KCTD16: variants seen among roughly 807,000 people sequenced by gnomAD.
The protein encoded by KCTD16 is BTB/POZ domain-containing protein KCTD16.
KCTD16 carries 13 observed loss-of-function variants against 33.2 expected under a neutral mutation model. The ratio of observed to expected loss-of-function variants is 0.39; its 90% CI spans 0.25 to 0.62. KCTD16 has a LOEUF of 0.62. Ranked by LOEUF, KCTD16 falls within the 20% of genes least tolerant of loss-of-function variation. The pLI, the probability that KCTD16 is intolerant of heterozygous loss-of-function variation, is 0.50. For synonymous variants in KCTD16, 197 were observed against 195.3 expected, an observed-to-expected ratio of 1.01 and a Z score of -0.07; for missense variants, 441 against 525.1, an observed-to-expected ratio of 0.84 and a Z score of 1.57.
intron 3 of KCTD16, among the ~76,000 whole-genome samples, chr5:144,320,247 C>T (rs2126884015): frequency 6.6e-6 from 1 of 152,214 alleles, no homozygotes; most frequent in Non-Finnish European, 1.5e-5. Context: ...CATAGTCCCC[C>T]TCTGTGAAAT....
At chr5:144,293,337 G>A (rs1052601292) in intron 3 of KCTD16, among the ~76,000 whole-genome samples, 1 of 152,240 alleles carries the variant, frequency 6.6e-6, no homozygotes, top group East Asian at 1.9e-4. Flanking sequence ...TTCCTGTTGT[G>A]AATGTTTAAG....
chr5:144,243,776 G>A (rs559807684), intron 3 of KCTD16, among the ~76,000 whole-genome samples: 10 of 152,008 alleles, frequency 6.6e-5, no homozygotes, highest in Non-Finnish European at 1.0e-4. Flanking sequence ...AGAGAGTCTC[G>A]TTCTGTCACC....
chr5:144,297,915 C>T (rs1756089660), intron 3 of KCTD16, among the ~76,000 whole-genome samples: 5 of 152,196 alleles, frequency 3.3e-5, no homozygotes, highest in Admixed American at 3.3e-4. Flanking sequence ...CTCTTCTGGT[C>T]CAACTCGGCT....
chr5:144,400,561 CA>C (rs1752680393), intron 3 of KCTD16, among the ~76,000 whole-genome samples: 1 of 152,094 alleles, frequency 6.6e-6, no homozygotes, highest in Admixed American at 6.6e-5. Context: ...TGATATAGAA[CA>C]TTTCATGTGG....
chr5:144,414,988 G>T (rs56046448), intron 3 of KCTD16, among the ~76,000 whole-genome samples: 12,514 of 152,040 alleles, frequency 0.082, 1,707 homozygotes, highest in African/African-American at 0.28. Flanking sequence ...GTCTGTTTTG[G>T]GCTACTATAA....
At chr5:144,192,327 GCTTA>G (rs1405534987) in intron 2 of KCTD16, among the ~76,000 whole-genome samples, 3 of 152,128 alleles carry the variant, frequency 2.0e-5, no homozygotes, top group Admixed American at 6.6e-5. Context: ...TCTAAGAAAT[GCTTA>G]CTTAAGGCAG....
chr5:144,361,910 G>A (rs1169637429), intron 3 of KCTD16, among the ~76,000 whole-genome samples: 1 of 108,146 alleles, frequency 9.2e-6, no homozygotes, highest in East Asian at 3.7e-4. Context: ...GTTATTTTGT[G>A]TGTGTGTGTG....
chr5:144,399,170 A>G (rs1752645978), intron 3 of KCTD16, among the ~76,000 whole-genome samples: 1 of 152,202 alleles, frequency 6.6e-6, no homozygotes. Context: ...ATTGAACTTT[A>G]GGAACATACG....
chr5:144,215,583 G>C (rs1459203106), intron 3 of KCTD16, among the ~76,000 whole-genome samples: 1 of 152,188 alleles, frequency 6.6e-6, no homozygotes, highest in Non-Finnish European at 1.5e-5. Flanking sequence ...TTAGCAAATT[G>C]CTTCCGTGCC....
At chr5:144,438,446 C>A (rs909739234) in intron 3 of KCTD16, among the ~76,000 whole-genome samples, 1 of 152,206 alleles carries the variant, frequency 6.6e-6, no homozygotes, top group Admixed American at 6.5e-5. Flanking sequence ...CATCTGTCTC[C>A]GCTCTGTTTT....
chr5:144,262,868 G>C (rs538509462), intron 3 of KCTD16, among the ~76,000 whole-genome samples: 1 of 152,058 alleles, frequency 6.6e-6, no homozygotes, highest in African/African-American at 2.4e-5. Context: ...ATCTGTTCAT[G>C]AGCTCTCTGA....
chr5:144,388,689 A>T (rs1392655234), intron 3 of KCTD16, among the ~76,000 whole-genome samples: 1 of 152,204 alleles, frequency 6.6e-6, no homozygotes, highest in Non-Finnish European at 1.5e-5. Context: ...GTTGTTTTTA[A>T]GCAATATGAT....
At chr5:144,242,038 G>A (rs1754418174) in intron 3 of KCTD16, among the ~76,000 whole-genome samples, 1 of 152,186 alleles carries the variant, frequency 6.6e-6, no homozygotes, top group Non-Finnish European at 1.5e-5. Flanking sequence ...TTTGTAAGTT[G>A]AAATTTATAA....
chr5:144,223,965 G>A (rs1039740292), intron 3 of KCTD16, among the ~76,000 whole-genome samples: 35 of 151,822 alleles, frequency 2.3e-4, no homozygotes, highest in African/African-American at 7.5e-4. Flanking sequence ...AAAAAAACCC[G>A]ACCCAGATGT....
intron 3 of KCTD16, among the ~76,000 whole-genome samples, chr5:144,256,018 GTCA>G (rs1754836044): frequency 6.6e-6 from 1 of 152,162 alleles, no homozygotes; most frequent in Non-Finnish European, 1.5e-5. Context: ...TAAATACCAA[GTCA>G]GTACCGTACC....
intron 3 of KCTD16, among the ~76,000 whole-genome samples, chr5:144,353,748 G>T (rs943525579): frequency 2.0e-5 from 3 of 152,248 alleles, no homozygotes; most frequent in Middle Eastern, 3.4e-3. Context: ...TAATTATACT[G>T]AGTGACATGC....
rs147542983 is a variant in KCTD16 at position 144,206,896 on chromosome 5, C to T, written c.182C>T (p.Thr61Met). 5.2e-4 allele frequency: 845 copies of T among 1,614,124 alleles called. 6 individuals carry two copies. The African/African-American group carries it at 9.3e-3, about 18-fold the overall frequency. ...AAAATGTTTTCCCCAAAGAGAGACA[C>T]GGCTAATGATCTAGCCAAGGACTCC... is the stretch of plus-strand genomic sequence containing the variant. ...LWKMFSPKRD[T>M]ANDLAKDSKG... The change falls in exon 3 of 4, where the codon ACG (threonine) becomes ATG (methionine). Residue 61 changes from threonine (T) to methionine (M), a missense_variant. Physicochemically the swap from Thr to Met is moderately conservative, Grantham distance 81. Coordinates refer to ENST00000512467, the MANE Select transcript of KCTD16 (RefSeq NM_020768.4).
intron 3 of KCTD16, among the ~76,000 whole-genome samples, chr5:144,415,324 A>G (rs1753023122): frequency 6.6e-6 from 1 of 152,138 alleles, no homozygotes; most frequent in Non-Finnish European, 1.5e-5. Context: ...TTCCCAACAC[A>G]TGCTCTTCTG....
At chr5:144,403,452 C>T (rs1044247810) in intron 3 of KCTD16, among the ~76,000 whole-genome samples, 1 of 151,872 alleles carries the variant, frequency 6.6e-6, no homozygotes, top group Admixed American at 6.6e-5. Flanking sequence ...CAGCATGTGA[C>T]AACAGAGCAA....
Sources: gnomAD v4.1 joint callset for allele counts (sites outside exome capture counted in the v4.1 genomes callset) on GRCh38, gnomAD v4.1.1 for gene constraint, MANE v1.5 for transcripts, NCBI Gene and HGNC (gene_info 2026-07-23, HGNC 2026-07-21) for gene names.